Variants in UGT1A10 observed in about 807,000 individuals in gnomAD.
UGT1A10 encodes the protein UDP glucuronosyltransferase family 1 member A10, also known as UDP-glucuronosyltransferase 1A10.
Under a neutral mutation model 45.8 loss-of-function variants are expected in UGT1A10, and 49 were observed. That is an observed-to-expected ratio of 1.07 (90% CI 0.85 to 1.36). UGT1A10 has a LOEUF of 1.36. Among genes scored for constraint, UGT1A10 ranks in the 40% most tolerant of loss-of-function variants. The pLI is 0.00. For missense variants in UGT1A10, 745 were observed against 668.6 expected (o/e 1.11, Z -1.26); for synonymous variants, 284 against 249.7 (o/e 1.14, Z -1.29).
intron 1 of UGT1A10, among the ~76,000 whole-genome samples, chr2:233,744,897 C>T (rs1246744781): frequency 6.6e-6 from 1 of 151,970 alleles, no homozygotes; most frequent in East Asian, 1.9e-4. Context: ...CCTCTCCATA[C>T]CAAAATCTAG....
chr2:233,710,161 T>C (rs2076115073), intron 1 of UGT1A10, among the ~76,000 whole-genome samples: 1 of 152,264 alleles, frequency 6.6e-6, no homozygotes, highest in Non-Finnish European at 1.5e-5. Flanking sequence ...CATTTGCTTA[T>C]GCATTTATTT....
At chr2:233,750,986 G>A (rs1230774000) in intron 1 of UGT1A10, among the ~76,000 whole-genome samples, 5 of 151,784 alleles carry the variant, frequency 3.3e-5, no homozygotes, top group African/African-American at 1.2e-4. Context: ...TTGTGAGAAG[G>A]CGGCCACCAT....
intron 1 of UGT1A10, among the ~76,000 whole-genome samples, chr2:233,745,990 G>A (rs1261244723): frequency 3.3e-5 from 5 of 151,696 alleles, no homozygotes; most frequent in African/African-American, 1.2e-4. Context: ...TGACAGCTGG[G>A]TCTGAGAGAC....
chr2:233,676,690 T>C (rs749968657), intron 1 of UGT1A10, among the ~76,000 whole-genome samples: 2 of 152,216 alleles, frequency 1.3e-5, no homozygotes, highest in Non-Finnish European at 2.9e-5. Flanking sequence ...AGGTGTCCTG[T>C]AGAATGTTCC....
At chr2:233,687,291 G>A (rs558730054) in intron 1 of UGT1A10, among the ~76,000 whole-genome samples, 1 of 152,220 alleles carries the variant, frequency 6.6e-6, no homozygotes, top group South Asian at 2.1e-4. Context: ...GAACAACATG[G>A]TGAGATATCA....
chr2:233,713,998 T>C, intron 1 of UGT1A10: 4 of 1,554,968 alleles, frequency 2.6e-6, no homozygotes, highest in Non-Finnish European at 3.5e-6. Context: ...TAGTCTTCAG[T>C]GAGATAAACT....
rs191241107 is a variant in UGT1A10, at chr2:233,721,753, T to C, written c.856-45281T>C. The C allele has an allele frequency of 4.9e-4, 222 of 457,372 alleles. 1 individual carries two copies. The highest frequency in any genetic ancestry group is 3.1e-3 in the Admixed American group (134 of 43,562). The allele number at this position is 457,372 out of a possible 1,614,324, so 28.3% of individuals were successfully genotyped here. A position where few individuals can be genotyped will look rare whatever the true frequency, so the allele number is the denominator to read the frequency against. ...AAGCTTAATGATGAGAGAATCTACATCTAAATTGTTATATTTAGCATTATT... is the reference window on the plus strand; with the variant it reads ...AAGCTTAATGATGAGAGAATCTACACCTAAATTGTTATATTTAGCATTATT... On this transcript the variant is annotated intron_variant, in intron 1 of 4. Transcript: ENST00000344644.
intron 1 of UGT1A10, among the ~76,000 whole-genome samples, chr2:233,650,775 C>T (rs144392947): frequency 0.012 from 1,895 of 152,162 alleles, 23 homozygotes; most frequent in Non-Finnish European, 0.022. Context: ...CAAACTAGAT[C>T]CTATTCAGAC....
chr2:233,689,454 T>G (rs919353618), intron 1 of UGT1A10, among the ~76,000 whole-genome samples: 5 of 152,208 alleles, frequency 3.3e-5, no homozygotes, highest in Non-Finnish European at 7.3e-5. Flanking sequence ...CAAGGATACA[T>G]TTTAGGAAAA....
chr2:233,683,804 T>A (rs1006776761), intron 1 of UGT1A10, among the ~76,000 whole-genome samples: 3 of 152,222 alleles, frequency 2.0e-5, no homozygotes, highest in Non-Finnish European at 4.4e-5. Flanking sequence ...TTGTATGTAG[T>A]CATATTACTA....
chr2:233,693,047 G>T (rs2075129391), intron 1 of UGT1A10: 2 of 1,614,146 alleles, frequency 1.2e-6, no homozygotes, highest in Non-Finnish European at 1.7e-6. Flanking sequence ...TTCTGCAGGG[G>T]TTTTCTTCTT....
At chr2:233,699,913 C>T (rs905252126) in intron 1 of UGT1A10, among the ~76,000 whole-genome samples, 5 of 152,174 alleles carry the variant, frequency 3.3e-5, no homozygotes, top group Non-Finnish European at 2.9e-5. Flanking sequence ...GTAGGATATA[C>T]GTAGAGGCCA....
intron 1 of UGT1A10, among the ~76,000 whole-genome samples, chr2:233,687,667 C>G (rs1464147606): frequency 6.6e-6 from 1 of 151,454 alleles, no homozygotes; most frequent in Non-Finnish European, 1.5e-5. Flanking sequence ...CTTTAGGAGG[C>G]CAAGGCAGGA....
chr2:233,763,186 T>C (rs1029740722), intron 1 of UGT1A10, among the ~76,000 whole-genome samples: 4 of 152,264 alleles, frequency 2.6e-5, no homozygotes, highest in Non-Finnish European at 4.4e-5. Flanking sequence ...TATTTGTTGT[T>C]GCCTTGTTTG....
At chr2:233,761,081 C>T in intron 1 of UGT1A10, 2 of 1,614,180 alleles carry the variant, frequency 1.2e-6, no homozygotes, top group Non-Finnish European at 1.7e-6. Flanking sequence ...AAGGATTACC[C>T]TAGGCCCATC....
At chr2:233,682,556 G>C in intron 1 of UGT1A10, 1 of 1,613,932 alleles carries the variant, frequency 6.2e-7, no homozygotes, top group African/African-American at 1.3e-5. Flanking sequence ...CAAGGAGAGA[G>C]TATGGAACCA....
intron 1 of UGT1A10, 56 bp downstream of exon 1, chr2:233,637,433 A>G: frequency 6.5e-7 from 1 of 1,544,852 alleles, no homozygotes; most frequent in Non-Finnish European, 8.7e-7. Context: ...AAATTAAAAA[A>G]GGATTCCTTA....
intron 1 of UGT1A10, chr2:233,682,741 T>C (rs1443370388): frequency 1.1e-5 from 18 of 1,613,942 alleles, no homozygotes; most frequent in Non-Finnish European, 1.5e-5. Context: ...TGATGCCCAA[T>C]ATGATCTTCA....
chr2:233,695,360 G>A (rs1162074854), intron 1 of UGT1A10, among the ~76,000 whole-genome samples: 1 of 151,726 alleles, frequency 6.6e-6, no homozygotes, highest in African/African-American at 2.4e-5. Flanking sequence ...TCTTGACCTC[G>A]TGGTCCGCCC....
Sources: allele counts gnomAD v4.1 joint callset (sites outside exome capture counted in the v4.1 genomes callset), GRCh38; gene constraint gnomAD v4.1.1; transcripts MANE v1.5; gene names NCBI Gene and HGNC (gene_info 2026-07-23, HGNC 2026-07-21).